The following ACTR3C variants were observed in gnomAD, a reference collection of about 807,000 sequenced individuals.
ACTR3C encodes the protein actin-related protein 3C.
A neutral mutation model predicts 26.3 loss-of-function variants in ACTR3C; 18 were observed. That is an observed-to-expected ratio of 0.68 (90% CI 0.47 to 1.01). The LOEUF is 1.01. ACTR3C is among the 50% of genes least tolerant of loss of function. The pLI, the probability that ACTR3C is intolerant of heterozygous loss-of-function variation, is 0.00. For synonymous variants in ACTR3C, 55 were observed against 94.5 expected, an observed-to-expected ratio of 0.58 and a Z score of 2.42; for missense variants, 184 against 250.7, an observed-to-expected ratio of 0.73 and a Z score of 1.80.
chr7:150,016,412 C>G, the ACTR3C span, among the ~76,000 whole-genome samples: 7 of 152,012 alleles, frequency 4.6e-5, no homozygotes, highest in Admixed American at 1.3e-4. Flanking sequence ...TCTCAGCATC[C>G]AGGCACACCC....
At chr7:150,219,999 G>A in the ACTR3C span, among the ~76,000 whole-genome samples, 9 of 146,946 alleles carry the variant, frequency 6.1e-5, no homozygotes, top group East Asian at 1.7e-3. Context: ...CAGGGTGGCC[G>A]GCGGGAGCGG....
At chr7:149,912,606 G>A in the ACTR3C span, among the ~76,000 whole-genome samples, 6 of 151,450 alleles carry the variant, frequency 4.0e-5, no homozygotes, top group Middle Eastern at 6.8e-3. Flanking sequence ...TGTTTCAAGC[G>A]ATTCTCCTGC....
the ACTR3C span, among the ~76,000 whole-genome samples, chr7:150,052,216 CA>C: frequency 3.3e-5 from 5 of 150,340 alleles, no homozygotes; most frequent in African/African-American, 9.8e-5. Context: ...GCATATTCTC[CA>C]CTCTGAAAAT....
chr7:150,290,688 A>G (rs1372545062), intron 3 of ACTR3C, among the ~76,000 whole-genome samples: 2 of 152,242 alleles, frequency 1.3e-5, no homozygotes, highest in African/African-American at 4.8e-5. Context: ...CCTAACTTCC[A>G]GAAGCAAAAA....
the ACTR3C span, among the ~76,000 whole-genome samples, chr7:150,066,700 A>C: frequency 6.6e-6 from 1 of 152,206 alleles, no homozygotes; most frequent in Admixed American, 6.5e-5. Flanking sequence ...CAATGTCACC[A>C]GGGCAGAGAT....
chr7:149,984,307 A>G, the ACTR3C span, among the ~76,000 whole-genome samples: 1 of 151,966 alleles, frequency 6.6e-6, no homozygotes, highest in Non-Finnish European at 1.5e-5. Context: ...GGATTCAAGC[A>G]AGTCTCCTGC....
At chr7:150,323,103 C>T (rs1190295265) in intron 1 of ACTR3C, 3 of 170,350 alleles carry the variant, frequency 1.8e-5, no homozygotes, top group Non-Finnish European at 1.3e-5. Flanking sequence ...GCTTGGAGGT[C>T]CTTTCTCTAA....
chr7:150,151,372 A>G, the ACTR3C span, among the ~76,000 whole-genome samples: 4 of 137,898 alleles, frequency 2.9e-5, 1 homozygote, highest in Non-Finnish European at 4.8e-5. Flanking sequence ...GTATTCTCTT[A>G]ATTTATATTA....
the ACTR3C span, among the ~76,000 whole-genome samples, chr7:150,147,110 T>A: frequency 6.6e-6 from 1 of 152,176 alleles, no homozygotes; most frequent in South Asian, 2.1e-4. Flanking sequence ...CAAAGGAACC[T>A]CTTTGGAAAG....
the ACTR3C span, among the ~76,000 whole-genome samples, chr7:150,005,854 G>GCTAT: frequency 6.6e-6 from 1 of 152,302 alleles, no homozygotes; most frequent in Admixed American, 6.5e-5. Flanking sequence ...TACAAGGAGG[G>GCTAT]CTGATAGAAA....
chr7:150,225,509 T>G, the ACTR3C span, among the ~76,000 whole-genome samples: 1 of 152,238 alleles, frequency 6.6e-6, no homozygotes, highest in East Asian at 1.9e-4. Context: ...CTACTCTATA[T>G]GTACAGTGGT....
chr7:150,312,091 C>T (rs1796376592), intron 1 of ACTR3C, among the ~76,000 whole-genome samples: 1 of 152,186 alleles, frequency 6.6e-6, no homozygotes, highest in Admixed American at 6.5e-5. Flanking sequence ...AAAGAAAATG[C>T]CTACGCCAAC....
At chr7:150,220,710 G>A in the ACTR3C span, among the ~76,000 whole-genome samples, 1 of 152,280 alleles carries the variant, frequency 6.6e-6, no homozygotes, top group Non-Finnish European at 1.5e-5. Flanking sequence ...CGCAAGGGGT[G>A]GGGAAACCCG....
At chr7:149,939,682 T>C in the ACTR3C span, among the ~76,000 whole-genome samples, 1 of 150,476 alleles carries the variant, frequency 6.6e-6, no homozygotes, top group African/African-American at 2.4e-5. Flanking sequence ...CTCACTGGGT[T>C]ATCACTATCT....
At chr7:150,025,083 TC>T in the ACTR3C span, among the ~76,000 whole-genome samples, 1 of 150,112 alleles carries the variant, frequency 6.7e-6, no homozygotes, top group Non-Finnish European at 1.5e-5. Context: ...CTCATGAAAA[TC>T]CTGAAATAAT....
At chr7:150,291,372 T>G (rs1209819601) in intron 3 of ACTR3C, among the ~76,000 whole-genome samples, 2 of 152,122 alleles carry the variant, frequency 1.3e-5, no homozygotes, top group African/African-American at 4.8e-5. Flanking sequence ...GAGGTTGCAG[T>G]GTGCCGAGAT....
chr7:150,211,117 C>T, the ACTR3C span, among the ~76,000 whole-genome samples: 1 of 148,808 alleles, frequency 6.7e-6, no homozygotes, highest in Non-Finnish European at 1.5e-5. Flanking sequence ...TATAAGGCAC[C>T]CTTTCCCTAA....
rs548425946 is a variant in ACTR3C, at chr7:150,292,879, T to C, written c.153+433A>G. Among the ~76,000 whole-genome samples the C allele has an allele frequency of 5.3e-5, 8 of 152,286 alleles. 1 individual carries two copies. The highest frequency in any genetic ancestry group is 1.7e-4 in the African/African-American group (7 of 41,540). ...CACATCTTTTCAGAGAACACAGATG[T>C]GCTCCTTCAAATGGCCACGCACTGC... On this transcript the variant is annotated intron_variant, in intron 3 of 7. Coordinates refer to ENST00000683684, the MANE Select transcript of ACTR3C (RefSeq NM_001164458.2).
chr7:150,069,090 G>A, the ACTR3C span, among the ~76,000 whole-genome samples: 1 of 152,128 alleles, frequency 6.6e-6, no homozygotes, highest in African/African-American at 2.4e-5. Context: ...AACCTACTAT[G>A]ACTTTGAAAT....
Sources: gnomAD v4.1 joint callset for allele counts (sites outside exome capture counted in the v4.1 genomes callset) on GRCh38, gnomAD v4.1.1 for gene constraint, MANE v1.5 for transcripts, NCBI Gene and HGNC (gene_info 2026-07-23, HGNC 2026-07-21) for gene names.